Variants in HECW1 observed in about 807,000 individuals in gnomAD.
The protein encoded by HECW1 is E3 ubiquitin-protein ligase HECW1.
A neutral mutation model predicts 182.3 loss-of-function variants in HECW1; 61 were observed. That is an observed-to-expected ratio of 0.33 (90% CI 0.27 to 0.41). HECW1 has a LOEUF of 0.41. HECW1 is among the 10% of genes least tolerant of loss of function. The pLI, the probability that HECW1 is intolerant of heterozygous loss-of-function variation, is 1.00. For missense variants in HECW1, 1,739 were observed against 2,108.9 expected (o/e 0.82, Z 3.44); for synonymous variants, 859 against 832.6 (o/e 1.03, Z -0.55).
At chr7:43,436,925 T>G (rs1160864112) in intron 8 of HECW1, among the ~76,000 whole-genome samples, 1 of 152,186 alleles carries the variant, frequency 6.6e-6, no homozygotes, top group Admixed American at 6.5e-5. Flanking sequence ...AGTCCAGTAG[T>G]GCAATCTCAG....
chr7:43,382,789 G>A (rs1159435520), intron 6 of HECW1, among the ~76,000 whole-genome samples: 3 of 152,176 alleles, frequency 2.0e-5, no homozygotes, highest in African/African-American at 7.2e-5. Context: ...CTTACTTTAA[G>A]TTCTGGGATA....
intron 2 of HECW1, among the ~76,000 whole-genome samples, chr7:43,167,197 C>T (rs563371868): frequency 1.3e-5 from 2 of 152,182 alleles, no homozygotes; most frequent in South Asian, 4.2e-4. Context: ...GAGGATCCTC[C>T]CCTATCCTCT....
chr7:43,114,965 A>G (rs916551080), intron 2 of HECW1, among the ~76,000 whole-genome samples: 7 of 152,220 alleles, frequency 4.6e-5, no homozygotes, highest in Admixed American at 6.5e-5. Context: ...TTTACCTTCT[A>G]TTATGCTTCC....
intron 3 of HECW1, among the ~76,000 whole-genome samples, chr7:43,293,858 C>G (rs1365443173): frequency 6.6e-6 from 1 of 152,108 alleles, no homozygotes; most frequent in African/African-American, 2.4e-5. Flanking sequence ...CAGCAGCAAG[C>G]AAGCGTTACC....
intron 2 of HECW1, among the ~76,000 whole-genome samples, chr7:43,201,824 T>A (rs1369528170): frequency 6.6e-6 from 1 of 152,178 alleles, no homozygotes; most frequent in Non-Finnish European, 1.5e-5. Context: ...AAGATTTCAT[T>A]AACATTAGGA....
chr7:43,289,988 C>T (rs752760913), intron 3 of HECW1, among the ~76,000 whole-genome samples: 13 of 152,268 alleles, frequency 8.5e-5, no homozygotes, highest in South Asian at 2.1e-4. Flanking sequence ...TAGGATAAAG[C>T]GGGTTGTGGA....
chr7:43,248,417 C>A (rs1004082179), intron 3 of HECW1, among the ~76,000 whole-genome samples: 2 of 152,192 alleles, frequency 1.3e-5, no homozygotes, highest in Admixed American at 1.3e-4. Flanking sequence ...CATCCTTCAT[C>A]TAGACACATC....
intron 19 of HECW1, among the ~76,000 whole-genome samples, chr7:43,496,374 C>T (rs1429151654): frequency 6.6e-6 from 1 of 151,880 alleles, no homozygotes; most frequent in Admixed American, 6.6e-5. Flanking sequence ...TCATCAAAAA[C>T]AGAAGGCTCA....
At chr7:43,414,473 C>T (rs1351182140) in intron 8 of HECW1, among the ~76,000 whole-genome samples, 2 of 149,446 alleles carry the variant, frequency 1.3e-5, no homozygotes, top group Non-Finnish European at 3.0e-5. Context: ...ATTGCCCTGG[C>T]CAGAACTTCC....
At chr7:43,179,584 G>GTCA (rs1792604821) in intron 2 of HECW1, among the ~76,000 whole-genome samples, 1 of 151,992 alleles carries the variant, frequency 6.6e-6, no homozygotes, top group Non-Finnish European at 1.5e-5. Context: ...TGTTGTTGTC[G>GTCA]TTTTTGCTGA....
At chr7:43,492,984 T>G in intron 18 of HECW1, 100 bp from the exon 19 acceptor site, 1 of 711,462 alleles carries the variant, frequency 1.4e-6, no homozygotes, top group South Asian at 2.0e-5. Flanking sequence ...CCCTTCAAAC[T>G]CCTTCATTAA....
intron 6 of HECW1, among the ~76,000 whole-genome samples, chr7:43,381,588 TTCTCCTG>T (rs1014464656): frequency 9.9e-5 from 15 of 151,766 alleles, no homozygotes; most frequent in Non-Finnish European, 1.6e-4. Flanking sequence ...TCCCGGGTGA[TTCTCCTG>T]TCTCCTGTCT....
At chr7:43,441,531 G>C (rs1208230734) in intron 9 of HECW1, among the ~76,000 whole-genome samples, 3 of 148,394 alleles carry the variant, frequency 2.0e-5, no homozygotes, top group Non-Finnish European at 4.5e-5. Flanking sequence ...GCAGGCCAAG[G>C]ACATCCGTGT....
At chr7:43,498,204 C>T (rs2079189686) in intron 19 of HECW1, among the ~76,000 whole-genome samples, 1 of 152,184 alleles carries the variant, frequency 6.6e-6, no homozygotes, top group African/African-American at 2.4e-5. Flanking sequence ...CTCAGAAAAT[C>T]GGGCTTAGCA....
At chr7:43,335,925 T>G (rs1185461138) in intron 5 of HECW1, among the ~76,000 whole-genome samples, 1 of 149,846 alleles carries the variant, frequency 6.7e-6, no homozygotes, top group Non-Finnish European at 1.5e-5. Context: ...TTCTCTCTCC[T>G]TTCTTTCTTT....
intron 2 of HECW1, among the ~76,000 whole-genome samples, chr7:43,209,224 A>G (rs1265720699): frequency 6.6e-6 from 1 of 152,082 alleles, no homozygotes; most frequent in Non-Finnish European, 1.5e-5. Context: ...ATCGTGGTAA[A>G]TGGTTTCCAG....
chr7:43,115,539 T>G (rs1784973859), intron 2 of HECW1, among the ~76,000 whole-genome samples: 1 of 152,216 alleles, frequency 6.6e-6, no homozygotes, highest in African/African-American at 2.4e-5. Flanking sequence ...GAGACTTACT[T>G]TCTCTGATGT....
At chr7:43,115,477 A>G (rs2152591368) in intron 2 of HECW1, among the ~76,000 whole-genome samples, 1 of 152,234 alleles carries the variant, frequency 6.6e-6, no homozygotes, top group South Asian at 2.1e-4. Flanking sequence ...TTTGTTTCTA[A>G]TGAGACACTC....
intron 3 of HECW1, among the ~76,000 whole-genome samples, chr7:43,303,311 G>A (rs969447917): frequency 1.1e-4 from 17 of 151,840 alleles, no homozygotes; most frequent in African/African-American, 3.1e-4. Flanking sequence ...GTGTGCGAGC[G>A]ACAAGGAGCA....
Sources: allele counts gnomAD v4.1 joint callset (sites outside exome capture counted in the v4.1 genomes callset), GRCh38; gene constraint gnomAD v4.1.1; transcripts MANE v1.5; gene names NCBI Gene and HGNC (gene_info 2026-07-23, HGNC 2026-07-21).